The following PKIB variants were observed in gnomAD, a reference collection of about 807,000 sequenced individuals.
PKIB encodes the protein PKI-beta.
In PKIB, 2 loss-of-function variants were observed where a neutral mutation model predicts 4.5. That is an observed-to-expected ratio of 0.44 (90% CI 0.18 to 1.39). PKIB has a LOEUF of 1.39. Ranked by LOEUF, PKIB falls within the 40% of genes most tolerant of loss-of-function variation. The pLI is 0.27. For missense variants in PKIB, 94 were observed against 92.6 expected, an observed-to-expected ratio of 1.02 and a Z score of -0.06; for synonymous variants, 38 against 36.0, an observed-to-expected ratio of 1.06 and a Z score of -0.20.
chr6:122,531,125 A>C (rs1777242635), intron 2 of PKIB: 1 of 152,204 alleles, frequency 6.6e-6, no homozygotes, highest in Admixed American at 6.6e-5. Flanking sequence ...AAAAGGCTGA[A>C]CATTGTAAGG....
intron 2 of PKIB, among the ~76,000 whole-genome samples, chr6:122,655,927 A>G (rs1225426665): frequency 6.6e-6 from 1 of 152,124 alleles, no homozygotes; most frequent in African/African-American, 2.4e-5. Context: ...AGAGCTTTGA[A>G]ACAAAAACTT....
chr6:122,639,155 A>G (rs1473543452), intron 2 of PKIB, among the ~76,000 whole-genome samples: 1 of 152,214 alleles, frequency 6.6e-6, no homozygotes, highest in African/African-American at 2.4e-5. Context: ...CTAAACTTAA[A>G]GAATAAATCT....
At chr6:122,671,063 G>A (rs766551483) in intron 2 of PKIB, among the ~76,000 whole-genome samples, 3 of 152,158 alleles carry the variant, frequency 2.0e-5, no homozygotes, top group African/African-American at 7.2e-5. Flanking sequence ...GGAGGCCGAG[G>A]TGGGCGGATC....
chr6:122,594,796 T>G (rs1178185030), intron 3 of PKIB, among the ~76,000 whole-genome samples: 1 of 152,180 alleles, frequency 6.6e-6, no homozygotes, highest in African/African-American at 2.4e-5. Flanking sequence ...TTGACCTTAA[T>G]AGCAGGGCAT....
At chr6:122,542,514 G>A (rs971114915) in intron 2 of PKIB, among the ~76,000 whole-genome samples, 11 of 152,008 alleles carry the variant, frequency 7.2e-5, no homozygotes, top group Non-Finnish European at 1.3e-4. Context: ...ATAGAACTGC[G>A]GTGACTATAG....
intron 3 of PKIB, among the ~76,000 whole-genome samples, chr6:122,603,569 C>A (rs1402740770): frequency 1.3e-5 from 2 of 152,160 alleles, no homozygotes; most frequent in Non-Finnish European, 2.9e-5. Context: ...ACCTCCACCT[C>A]CTGAGTTCAA....
intron 3 of PKIB, among the ~76,000 whole-genome samples, chr6:122,710,316 C>T (rs1013111341): frequency 1.3e-5 from 2 of 152,102 alleles, no homozygotes; most frequent in African/African-American, 4.8e-5. Flanking sequence ...TGTAAACCCC[C>T]AACACAGACG....
At chr6:122,684,763 A>G (rs550126465) in intron 3 of PKIB, among the ~76,000 whole-genome samples, 6 of 152,232 alleles carry the variant, frequency 3.9e-5, no homozygotes, top group African/African-American at 1.4e-4. Flanking sequence ...TCTAGCTCCA[A>G]AATTCTCAGA....
intron 3 of PKIB, chr6:122,701,461 T>G (rs1319385066): frequency 6.3e-7 from 1 of 1,588,906 alleles, no homozygotes; most frequent in African/African-American, 1.3e-5. Flanking sequence ...AGAGATCACC[T>G]GCCAAACACA....
At chr6:122,650,556 G>A (rs1214227050) in intron 2 of PKIB, among the ~76,000 whole-genome samples, 1 of 152,120 alleles carries the variant, frequency 6.6e-6, no homozygotes, top group Non-Finnish European at 1.5e-5. Flanking sequence ...CATTGTCTTT[G>A]CTGTTCACTG....
intron 2 of PKIB, among the ~76,000 whole-genome samples, chr6:122,520,677 C>A: frequency 7.6e-6 from 1 of 131,692 alleles, no homozygotes; most frequent in East Asian, 2.4e-4. Flanking sequence ...CCCCCCCCCA[C>A]CAAATTTATA....
At chr6:122,717,604 C>T (rs375181738) in intron 3 of PKIB, 183 bp from the exon 4 acceptor site, 1 of 604,388 alleles carries the variant, frequency 1.7e-6, no homozygotes, top group African/African-American at 1.9e-5. Context: ...GCTTCCTGCT[C>T]TATTCAGCAA....
chr6:122,632,234 C>T (rs2815580), intron 1 of PKIB, among the ~76,000 whole-genome samples: 57,418 of 152,002 alleles, frequency 0.38, 11,885 homozygotes, highest in South Asian at 0.63. Flanking sequence ...CAGCAGACAA[C>T]GTTGATCCTT....
upstream of PKIB, among the ~76,000 whole-genome samples, chr6:122,609,557 G>C (rs966224493): frequency 7.9e-5 from 12 of 152,354 alleles, no homozygotes; most frequent in South Asian, 2.5e-3. Context: ...TGGCAAGTCA[G>C]AGCATAGTAT....
At chr6:122,623,257 G>T (rs1216192830) in intron 1 of PKIB, among the ~76,000 whole-genome samples, 1 of 152,082 alleles carries the variant, frequency 6.6e-6, no homozygotes, top group African/African-American at 2.4e-5. Flanking sequence ...ATTTAACACA[G>T]CACATAAATT....
intron 2 of PKIB, among the ~76,000 whole-genome samples, chr6:122,656,287 G>C (rs2114897277): frequency 6.6e-6 from 1 of 152,268 alleles, no homozygotes; most frequent in Non-Finnish European, 1.5e-5. Context: ...TCCTCTTTCA[G>C]AGAATAGTAA....
At chr6:122,573,739 C>G (rs574601561) in intron 2 of PKIB, among the ~76,000 whole-genome samples, 1 of 151,950 alleles carries the variant, frequency 6.6e-6, no homozygotes, top group Non-Finnish European at 1.5e-5. Flanking sequence ...TGATAAAACC[C>G]TCAGCAAAAA....
intron 2 of PKIB, among the ~76,000 whole-genome samples, chr6:122,570,261 A>T (rs1169277644): frequency 6.6e-6 from 1 of 152,170 alleles, no homozygotes; most frequent in Non-Finnish European, 1.5e-5. Flanking sequence ...AGGGTAGCTG[A>T]GGTGCTCCCA....
At chr6:122,538,114 T>G (rs1777464755) in intron 2 of PKIB, among the ~76,000 whole-genome samples, 2 of 152,066 alleles carry the variant, frequency 1.3e-5, no homozygotes, top group Admixed American at 1.3e-4. Flanking sequence ...AAAATTTTCT[T>G]CCATTCTGTA....
Sources: gnomAD v4.1 joint callset for allele counts (sites outside exome capture counted in the v4.1 genomes callset) on GRCh38, gnomAD v4.1.1 for gene constraint, MANE v1.5 for transcripts, NCBI Gene and HGNC (gene_info 2026-07-23, HGNC 2026-07-21) for gene names.